The following GALNTL6 variants were observed in gnomAD, a reference collection of about 807,000 sequenced individuals.
GALNTL6 encodes the protein polypeptide N-acetylgalactosaminyltransferase like 6, also known as polypeptide N-acetylgalactosaminyltransferase-like 6.
Under a neutral mutation model 73.7 loss-of-function variants are expected in GALNTL6, and 46 were observed. That is an observed-to-expected ratio of 0.62 (90% CI 0.49 to 0.80). The LOEUF (loss-of-function observed/expected upper bound fraction) is 0.80. Ranked by LOEUF, GALNTL6 falls within the 30% of genes least tolerant of loss-of-function variation. The pLI is 0.00. For synonymous variants in GALNTL6, 259 were observed against 263.7 expected (o/e 0.98, Z 0.17); for missense variants, 604 against 755.0 (o/e 0.80, Z 2.34).
chr4:172,824,891 G>C (rs2111034554), intron 7 of GALNTL6, among the ~76,000 whole-genome samples: 1 of 152,268 alleles, frequency 6.6e-6, no homozygotes, highest in Non-Finnish European at 1.5e-5. Flanking sequence ...GAAGTCATTA[G>C]TCTTTACTGT....
chr4:172,007,183 T>C, intron 2 of GALNTL6, among the ~76,000 whole-genome samples: 1 of 152,128 alleles, frequency 6.6e-6, no homozygotes, highest in Non-Finnish European at 1.5e-5. Flanking sequence ...GAACATGTAA[T>C]TAATTCATTG....
intron 5 of GALNTL6, among the ~76,000 whole-genome samples, chr4:172,719,944 A>C (rs1373749041): frequency 6.6e-6 from 1 of 152,146 alleles, no homozygotes; most frequent in African/African-American, 2.4e-5. Flanking sequence ...TGACGTTGTC[A>C]TGGCATTTGT....
rs572762153 is a variant in GALNTL6, at chr4:173,039,735, C to T, written c.1639-198C>T. 9.2e-5 allele frequency among the ~76,000 whole-genome samples: 14 copies of T among 152,316 alleles called. No homozygotes were observed. In the East Asian group the frequency reaches 1.9e-3, roughly 21 times the overall value. ...TAATTGAACCTGCTTGTAGGCCCTA[C>T]ATAGTGCCAATACAGCCTACAAATT... On this transcript the variant is annotated intron_variant, in intron 12 of 12. Coordinates refer to ENST00000506823, the MANE Select transcript of GALNTL6 (RefSeq NM_001034845.3).
intron 5 of GALNTL6, among the ~76,000 whole-genome samples, chr4:172,608,485 C>T (rs953458147): frequency 1.3e-5 from 2 of 151,844 alleles, no homozygotes; most frequent in African/African-American, 4.8e-5. Flanking sequence ...TTCCATTGGT[C>T]TATATGTCTG....
rs33924519 is a variant in GALNTL6 at position 171,914,428 on chromosome 4, C to CT, written c.138+99730dup. ...TATTTAATATTAAAAGGAAAATGTA[C>CT]TTTTTTTTTTTTTTTTTTTTGAGAT... is the stretch of plus-strand genomic sequence containing the variant. On this transcript the variant is annotated intron_variant, in intron 2 of 12. Transcript: ENST00000506823. Among the ~76,000 whole-genome samples, 161 of 103,804 alleles carry CT rather than the reference C, an allele frequency of 1.6e-3. 1 individual carries two copies. Among genetic ancestry groups the CT allele is most frequent in the South Asian group, 4.4e-3 (14 of 3,204 alleles). The allele number at this position is 103,804 out of a possible 152,430, so 68.1% of individuals were successfully genotyped here.
chr4:172,510,204 G>C lies in GALNTL6; in HGVS notation c.553+161515G>C, dbSNP rs1318721001. Among the ~76,000 whole-genome samples the C allele has an allele frequency of 3.7e-5, 2 of 54,534 alleles. 1 individual carries two copies. The highest frequency in any genetic ancestry group is 8.5e-5 in the Non-Finnish European group (2 of 23,548). 35.8% of individuals were successfully genotyped at this position (54,534 alleles called of 152,430 possible). A position where few individuals can be genotyped will look rare whatever the true frequency, so the allele number is the denominator to read the frequency against. The stretch of plus-strand genomic sequence containing the variant: ...GTATTTTATTTTACTTTTGCAACTA[G>C]TATAAAAAGGGGTTGAGTTCTTGAA... On this transcript the variant is annotated intron_variant, in intron 5 of 12. Transcript: ENST00000506823.
Position 172,057,621 on chromosome 4 carries a change from C to G in GALNTL6, c.139-172035C>G, listed in dbSNP as rs1439436910. On this transcript the variant is annotated intron_variant, in intron 2 of 12. Coordinates refer to ENST00000506823, the MANE Select transcript of GALNTL6 (RefSeq NM_001034845.3). ...ACTCCAGAGGTTGAGGCGGGAAGAT[C>G]GCTTGAGCATGGGAGGTTAAGGATG... is the stretch of plus-strand genomic sequence containing the variant. Among the ~76,000 whole-genome samples, 8 of 147,330 alleles carry G rather than the reference C, an allele frequency of 5.4e-5. No homozygotes were observed. In the East Asian group the frequency reaches 1.6e-3, roughly 29 times the overall value.
chr4:172,913,720 C>T (rs1299443731), intron 8 of GALNTL6, among the ~76,000 whole-genome samples: 1 of 152,144 alleles, frequency 6.6e-6, no homozygotes, highest in African/African-American at 2.4e-5. Flanking sequence ...TGAACAAAGC[C>T]TCCAAGAAAT....
intron 10 of GALNTL6, among the ~76,000 whole-genome samples, chr4:173,005,947 G>C (rs918892175): frequency 6.6e-6 from 1 of 152,142 alleles, no homozygotes; most frequent in East Asian, 1.9e-4. Flanking sequence ...CTCCATCCCT[G>C]CCAGAGGCCT....
At chr4:172,380,149 A>G in intron 5 of GALNTL6, 1 of 1,046,498 alleles carries the variant, frequency 9.6e-7, no homozygotes, top group Non-Finnish European at 1.5e-6. Context: ...GATTTGGAGC[A>G]CTTAACAAGG....
At chr4:172,522,669 C>CT (rs201146587) in intron 5 of GALNTL6, among the ~76,000 whole-genome samples, 3,105 of 65,776 alleles carry the variant, frequency 0.047, 133 homozygotes, top group African/African-American at 0.16. Flanking sequence ...ACTCAGTCCC[C>CT]CCCCCCCCCA....
At chr4:172,361,038 A>G (rs986650725) in intron 5 of GALNTL6, among the ~76,000 whole-genome samples, 1 of 152,162 alleles carries the variant, frequency 6.6e-6, no homozygotes, top group Non-Finnish European at 1.5e-5. Context: ...TTAGTTTAAT[A>G]TGTTAACACC....
intron 12 of GALNTL6, among the ~76,000 whole-genome samples, chr4:173,023,671 C>CA (rs1028819117): frequency 1.6e-4 from 24 of 148,568 alleles, no homozygotes; most frequent in Non-Finnish European, 2.4e-4. Context: ...CCAAAAAAAG[C>CA]AAAAAAAAAT....
chr4:171,933,732 A>G (rs1172375305), intron 2 of GALNTL6, among the ~76,000 whole-genome samples: 1 of 152,036 alleles, frequency 6.6e-6, no homozygotes, highest in Non-Finnish European at 1.5e-5. Flanking sequence ...TTCTCTTGTT[A>G]TAATATTGGT....
At chr4:172,496,406 G>C (rs943891549) in intron 5 of GALNTL6, among the ~76,000 whole-genome samples, 2 of 152,128 alleles carry the variant, frequency 1.3e-5, no homozygotes, top group East Asian at 3.9e-4. Flanking sequence ...AATTATAGTT[G>C]TGGCCAGGTG....
At chr4:172,349,713 G>A (rs1465458435) in intron 5 of GALNTL6, among the ~76,000 whole-genome samples, 2 of 151,892 alleles carry the variant, frequency 1.3e-5, no homozygotes, top group African/African-American at 2.4e-5. Flanking sequence ...TTACATGACA[G>A]AAAGGAGGTT....
At chr4:172,636,568 G>A (rs1196828005) in intron 5 of GALNTL6, among the ~76,000 whole-genome samples, 1 of 152,104 alleles carries the variant, frequency 6.6e-6, no homozygotes, top group Non-Finnish European at 1.5e-5. Flanking sequence ...AGTGAAATGG[G>A]GCCACAAGAC....
intron 2 of GALNTL6, among the ~76,000 whole-genome samples, chr4:172,176,058 G>T (rs1734981329): frequency 6.6e-6 from 1 of 152,106 alleles, no homozygotes; most frequent in Non-Finnish European, 1.5e-5. Context: ...AGTGTATTCA[G>T]GCTGGGCGCG....
chr4:172,556,865 A>G (rs1448379279), intron 5 of GALNTL6, among the ~76,000 whole-genome samples: 1 of 152,084 alleles, frequency 6.6e-6, no homozygotes, highest in Non-Finnish European at 1.5e-5. Flanking sequence ...AACACACAGA[A>G]CTATGTAAGC....
Sources: gnomAD v4.1 joint callset for allele counts (sites outside exome capture counted in the v4.1 genomes callset) on GRCh38, gnomAD v4.1.1 for gene constraint, MANE v1.5 for transcripts, NCBI Gene and HGNC (gene_info 2026-07-23, HGNC 2026-07-21) for gene names.